PPP3CC: variants seen among roughly 807,000 people sequenced by gnomAD.
PPP3CC encodes serine/threonine-protein phosphatase 2B catalytic subunit gamma isoform.
In PPP3CC, 35 loss-of-function variants were observed where a neutral mutation model predicts 60.3. The ratio of observed to expected loss-of-function variants is 0.58; its 90% CI spans 0.44 to 0.77. The LOEUF is 0.77. Ranked by LOEUF, PPP3CC falls within the 30% of genes least tolerant of loss-of-function variation. The pLI is 0.00. For synonymous variants in PPP3CC, 206 were observed against 224.3 expected (o/e 0.92, Z 0.73); for missense variants, 570 against 628.9 (o/e 0.91, Z 1.00).
rs1041734830 is a variant in PPP3CC at position 22,458,042 on chromosome 8, G to T, written c.49+16584G>T. ...GGAGGCAGAGGATGCAGTGAGCCGA[G>T]ATCGTGCCATTGCACTCCAGCCTGG... On this transcript the variant is annotated intron_variant, in intron 1 of 13. Coordinates refer to ENST00000240139, the MANE Select transcript of PPP3CC (RefSeq NM_005605.5). 3.3e-5 allele frequency among the ~76,000 whole-genome samples: 5 copies of T among 152,078 alleles called. No individual in the cohort carries two copies. In the South Asian group the frequency reaches 1.0e-3, roughly 32 times the overall value.
At chr8:22,540,198 G>A (rs1157484194) in intron 13 of PPP3CC, among the ~76,000 whole-genome samples, 1 of 152,062 alleles carries the variant, frequency 6.6e-6, no homozygotes, top group Non-Finnish European at 1.5e-5. Flanking sequence ...TGGTCTATGT[G>A]GCCTTTGTGC....
chr8:22,464,069 G>T (rs1837444719), intron 1 of PPP3CC, among the ~76,000 whole-genome samples: 1 of 152,014 alleles, frequency 6.6e-6, no homozygotes, highest in South Asian at 2.1e-4. Flanking sequence ...TAAGCCGAAA[G>T]ATACTTAAAT....
intron 10 of PPP3CC, among the ~76,000 whole-genome samples, chr8:22,530,499 A>G (rs11998190): frequency 4.2e-5 from 6 of 142,706 alleles, no homozygotes; most frequent in Non-Finnish European, 9.1e-5. Flanking sequence ...CTTTCCCACC[A>G]CAAACATAAA....
intron 4 of PPP3CC, among the ~76,000 whole-genome samples, chr8:22,502,253 A>G (rs1156329003): frequency 1.3e-5 from 2 of 152,222 alleles, no homozygotes; most frequent in Non-Finnish European, 2.9e-5. Flanking sequence ...ATAGTAAAAT[A>G]TGGATGCTTA....
chr8:22,474,725 C>T (rs894246841), intron 1 of PPP3CC, among the ~76,000 whole-genome samples: 21 of 151,884 alleles, frequency 1.4e-4, no homozygotes, highest in African/African-American at 4.8e-4. Flanking sequence ...ACAACAAAAA[C>T]CATTATAATT....
rs1836657877 is a variant in PPP3CC at position 22,441,292 on chromosome 8, G to A, written c.-118G>A. The A allele has an allele frequency of 4.0e-6, 4 of 1,004,786 alleles. No individual in the cohort carries two copies. The South Asian group carries it at 7.2e-5, about 18-fold the overall frequency. 62.2% of individuals were successfully genotyped at this position (1,004,786 alleles called of 1,614,324 possible). ...GCTCGGACACCGCTGAGGAGCCGGG[G>A]CCGGGCACGGCTGGCTGACGGCTCC... is the stretch of plus-strand genomic sequence containing the variant. On this transcript the variant is annotated 5_prime_UTR_variant, in exon 1 of 14. Transcript: ENST00000240139.
intron 6 of PPP3CC, among the ~76,000 whole-genome samples, chr8:22,513,731 A>G (rs1839159110): frequency 6.6e-6 from 1 of 152,156 alleles, no homozygotes; most frequent in East Asian, 1.9e-4. Flanking sequence ...ACTTTTTTAA[A>G]AAAAATTAAA....
chr8:22,513,210 G>C, intron 5 of PPP3CC, 83 bp from the exon 6 acceptor site: 4 of 1,368,746 alleles, frequency 2.9e-6, no homozygotes, highest in Non-Finnish European at 3.9e-6. Context: ...TGGGTGAAAG[G>C]GGTTTTTCTT....
chr8:22,524,354 G>A (rs1396929015), intron 8 of PPP3CC, among the ~76,000 whole-genome samples: 1 of 152,094 alleles, frequency 6.6e-6, no homozygotes, highest in Non-Finnish European at 1.5e-5. Context: ...ATTTAAATCC[G>A]ATTTGGGTCA....
intron 12 of PPP3CC, among the ~76,000 whole-genome samples, chr8:22,535,491 CT>C (rs1182453172): frequency 6.6e-6 from 1 of 151,978 alleles, no homozygotes; most frequent in Non-Finnish European, 1.5e-5. Context: ...TTCATCTGGC[CT>C]TTTTTCTTTT....
intron 11 of PPP3CC, 25 bp from the exon 12 acceptor site, chr8:22,532,896 C>G: frequency 6.6e-7 from 1 of 1,508,038 alleles, no homozygotes; most frequent in East Asian, 2.4e-5. Flanking sequence ...CGGGCATTAA[C>G]CCAGGGTTTG....
intron 1 of PPP3CC, among the ~76,000 whole-genome samples, chr8:22,455,553 G>A (rs1837171051): frequency 6.6e-6 from 1 of 152,198 alleles, no homozygotes; most frequent in Admixed American, 6.5e-5. Flanking sequence ...AATGGCTGGA[G>A]TAATAAAGAT....
At chr8:22,536,314 A>G (rs965766701) in intron 12 of PPP3CC, among the ~76,000 whole-genome samples, 5 of 152,358 alleles carry the variant, frequency 3.3e-5, no homozygotes, top group Admixed American at 2.0e-4. Context: ...GACAACAAAG[A>G]TAGAGTAATA....
chr8:22,521,437 C>A (rs554507202), intron 6 of PPP3CC, among the ~76,000 whole-genome samples: 1 of 152,278 alleles, frequency 6.6e-6, no homozygotes, highest in South Asian at 2.1e-4. Context: ...CAGGCTGATT[C>A]TGGGTCTGTA....
In PPP3CC at chr8:22,493,087, A is replaced by T. The variant is rs944961516; in HGVS notation, c.373-4914A>T. 2.6e-6 allele frequency: 4 copies of T among 1,555,656 alleles called. No individual in the cohort carries two copies. The African/African-American group carries it at 5.4e-5, about 21-fold the overall frequency. ...GAGGCTTCCAAGATGGAGAATTTTG[A>T]TGAGGCTTCCAAGAATGAGGCAAAC... On this transcript the variant is annotated intron_variant, in intron 3 of 13. Coordinates refer to ENST00000240139, the MANE Select transcript of PPP3CC (RefSeq NM_005605.5).
intron 3 of PPP3CC, among the ~76,000 whole-genome samples, chr8:22,492,424 A>T (rs777408884): frequency 1.1e-4 from 17 of 152,294 alleles, no homozygotes; most frequent in Middle Eastern, 3.4e-3. Context: ...TAAATTTATT[A>T]AAAAGTATTT....
intron 1 of PPP3CC, among the ~76,000 whole-genome samples, chr8:22,464,833 T>C (rs1837470319): frequency 6.6e-6 from 1 of 152,196 alleles, no homozygotes; most frequent in African/African-American, 2.4e-5. Flanking sequence ...GCTGGGATTA[T>C]TGACCATATA....
At chr8:22,460,106 AGT>A (rs1448357238) in intron 1 of PPP3CC, among the ~76,000 whole-genome samples, 2 of 152,128 alleles carry the variant, frequency 1.3e-5, no homozygotes, top group African/African-American at 2.4e-5. Flanking sequence ...TCTTAACAGT[AGT>A]TGTCTTTGGC....
chr8:22,453,612 A>G (rs1192966509), intron 1 of PPP3CC, among the ~76,000 whole-genome samples: 1 of 152,204 alleles, frequency 6.6e-6, no homozygotes, highest in African/African-American at 2.4e-5. Flanking sequence ...TAAGTGAACC[A>G]GTGCAGTTCA....
Sources: allele counts gnomAD v4.1 joint callset (sites outside exome capture counted in the v4.1 genomes callset), GRCh38; gene constraint gnomAD v4.1.1; transcripts MANE v1.5; gene names NCBI Gene and HGNC (gene_info 2026-07-23, HGNC 2026-07-21).